LRRFIP2: variants seen among roughly 807,000 people sequenced by gnomAD.
LRRFIP2 encodes the protein leucine-rich repeat flightless-interacting protein 2.
Under a neutral mutation model 125.9 loss-of-function variants are expected in LRRFIP2, and 109 were observed. The observed-to-expected ratio is 0.87, with a 90% CI of 0.74 to 1.01. The LOEUF (loss-of-function observed/expected upper bound fraction) is 1.01, where lower values mean the gene tolerates loss of function less well. Ranked by LOEUF, LRRFIP2 falls within the 50% of genes least tolerant of loss-of-function variation. The pLI is 0.00. For missense variants in LRRFIP2, 850 were observed against 862.3 expected, an observed-to-expected ratio of 0.99 and a Z score of 0.18; for synonymous variants, 291 against 293.1, an observed-to-expected ratio of 0.99 and a Z score of 0.07.
chr3:37,089,401 T>A (rs1374413569), intron 18 of LRRFIP2, among the ~76,000 whole-genome samples: 1 of 152,260 alleles, frequency 6.6e-6, no homozygotes, highest in East Asian at 1.9e-4. Context: ...GGAGAGTGGT[T>A]GAGAGCATCC....
intron 18 of LRRFIP2, among the ~76,000 whole-genome samples, chr3:37,087,063 G>A (rs982635942): frequency 1.4e-4 from 21 of 151,750 alleles, no homozygotes; most frequent in Non-Finnish European, 2.1e-4. Flanking sequence ...CATGTTGCCC[G>A]GGTTGATCTC....
At chr3:37,119,767 C>T (rs2094944024) in intron 6 of LRRFIP2, among the ~76,000 whole-genome samples, 1 of 152,120 alleles carries the variant, frequency 6.6e-6, no homozygotes, top group Non-Finnish European at 1.5e-5. Context: ...CCAACTGATT[C>T]TCATGCCTCA....
At chr3:37,134,506 T>C (rs903325795) in intron 2 of LRRFIP2, among the ~76,000 whole-genome samples, 1 of 152,164 alleles carries the variant, frequency 6.6e-6, no homozygotes, top group African/African-American at 2.4e-5. Context: ...AAAGTTGTCA[T>C]GAGAGTCGTC....
At position 37,053,900 on chromosome 3, in the gene LRRFIP2, C is replaced by T. The variant is rs201785920; in HGVS notation, c.2117G>A (p.Arg706Gln). 295 of 1,614,018 alleles carry T rather than the reference C, an allele frequency of 1.8e-4. No homozygotes were observed. Among genetic ancestry groups the T allele is most frequent in the Non-Finnish European group, 2.4e-4 (281 of 1,180,000 alleles). ...CCTATTGGCCTTCATCTTCTCCAGC[C>T]GCTTGGCCAGGTGGCTGTTGGTCAT... is the stretch of plus-strand genomic sequence containing the variant. Reference protein sequence around the residue: ...MEMTNSHLAKRLEKMKANRTA... With the variant: ...MEMTNSHLAKQLEKMKANRTA... Residue 706 changes from arginine (R) to glutamine (Q), a missense_variant, in exon 28 of 28, where the codon CGG becomes CAG. Coordinates refer to ENST00000336686, the MANE Select transcript of LRRFIP2 (RefSeq NM_006309.4).
chr3:37,057,997 TA>T (rs1217184842), intron 25 of LRRFIP2, among the ~76,000 whole-genome samples: 1 of 152,212 alleles, frequency 6.6e-6, no homozygotes, highest in Non-Finnish European at 1.5e-5. Flanking sequence ...CTAATAAAGA[TA>T]AACTTGGATT....
At chr3:37,100,439 T>TACATATATGTATACAC in intron 15 of LRRFIP2, among the ~76,000 whole-genome samples, 1 of 63,442 alleles carries the variant, frequency 1.6e-5, no homozygotes, top group Non-Finnish European at 4.9e-5. Flanking sequence ...TGTATACACA[T>TACATATATGTATACAC]GTGTGTGTCT....
chr3:37,153,442 AG>A (rs2096087199), intron 1 of LRRFIP2, among the ~76,000 whole-genome samples: 3 of 152,034 alleles, frequency 2.0e-5, no homozygotes, highest in South Asian at 4.2e-4. Flanking sequence ...AAAATAAACT[AG>A]TCCCCAACTG....
At chr3:37,134,628 G>A (rs142424952) in intron 2 of LRRFIP2, 41 of 601,146 alleles carry the variant, frequency 6.8e-5, no homozygotes, top group African/African-American at 6.8e-4. Flanking sequence ...CATACCGAGA[G>A]AGTGAGGAGC....
chr3:37,157,640 G>T (rs767292751), intron 1 of LRRFIP2, among the ~76,000 whole-genome samples: 5 of 151,968 alleles, frequency 3.3e-5, no homozygotes, highest in African/African-American at 4.8e-5. Flanking sequence ...TACATAAAAT[G>T]AATAAATCAT....
rs976635571 is a variant in LRRFIP2 at position 37,108,533 on chromosome 3, T to C, written c.657+104A>G. On this transcript the variant is annotated intron_variant, in intron 12 of 27. Transcript: ENST00000336686. ...CAGGTCAGATTAAATGACTTTTTCT[T>C]TGTATATTTTTCTTTTTTATTAATT... 7.8e-6 allele frequency: 7 copies of C among 892,536 alleles called. No individual in the cohort carries two copies. The African/African-American group carries it at 1.2e-4, about 15-fold the overall frequency. 55.3% of individuals were successfully genotyped at this position (892,536 alleles called of 1,614,324 possible). A position where few individuals can be genotyped will look rare whatever the true frequency, so the allele number is the denominator to read the frequency against.
chr3:37,096,565 T>TA, intron 16 of LRRFIP2, 51 bp downstream of exon 16: 1 of 1,096,832 alleles, frequency 9.1e-7, no homozygotes, highest in Non-Finnish European at 1.4e-6. Context: ...AAGTTACAGA[T>TA]AGCAAGTTTA....
intron 9 of LRRFIP2, among the ~76,000 whole-genome samples, chr3:37,110,245 A>G (rs1316852121): frequency 6.6e-6 from 1 of 152,252 alleles, no homozygotes; most frequent in Non-Finnish European, 1.5e-5. Flanking sequence ...GTTGAATTAG[A>G]TAAATTGTAC....
chr3:37,124,058 T>C (rs963773549), intron 4 of LRRFIP2, among the ~76,000 whole-genome samples: 6 of 152,188 alleles, frequency 3.9e-5, no homozygotes, highest in African/African-American at 1.4e-4. Flanking sequence ...ACAAAGAGTA[T>C]AGTTTATTCC....
chr3:37,157,840 G>C (rs2150172677), intron 1 of LRRFIP2, among the ~76,000 whole-genome samples: 1 of 152,312 alleles, frequency 6.6e-6, no homozygotes, highest in Middle Eastern at 3.4e-3. Context: ...ACTTTATAAA[G>C]AGAAATGCTT....
At chr3:37,055,413 A>T (rs2086536179) in intron 25 of LRRFIP2, among the ~76,000 whole-genome samples, 1 of 152,162 alleles carries the variant, frequency 6.6e-6, no homozygotes. Flanking sequence ...TAAAAATATA[A>T]AAATTAGCTG....
intron 23 of LRRFIP2, chr3:37,064,777 C>CTT (rs1260060134): frequency 2.6e-5 from 4 of 152,184 alleles, no homozygotes; most frequent in African/African-American, 9.7e-5. Flanking sequence ...CCACTACCCT[C>CTT]TGTAAACAGG....
intron 18 of LRRFIP2, among the ~76,000 whole-genome samples, chr3:37,084,921 C>A (rs1032810403): frequency 6.6e-6 from 1 of 151,996 alleles, no homozygotes; most frequent in African/African-American, 2.4e-5. Context: ...AATACTAGCA[C>A]AAATGTTTAT....
At chr3:37,123,076 G>A (rs972581584) in intron 4 of LRRFIP2, among the ~76,000 whole-genome samples, 2 of 152,208 alleles carry the variant, frequency 1.3e-5, no homozygotes, top group African/African-American at 4.8e-5. Flanking sequence ...TGATGCCCTT[G>A]ACCAAATGTA....
chr3:37,162,155 C>CAAA (rs71091697), intron 1 of LRRFIP2, among the ~76,000 whole-genome samples: 273 of 73,476 alleles, frequency 3.7e-3, no homozygotes, highest in Non-Finnish European at 4.0e-3. Context: ...GACCCTGTCT[C>CAAA]AAAAAAAAAA....
Sources: allele counts gnomAD v4.1 joint callset (sites outside exome capture counted in the v4.1 genomes callset), GRCh38; gene constraint gnomAD v4.1.1; transcripts MANE v1.5; gene names NCBI Gene and HGNC (gene_info 2026-07-23, HGNC 2026-07-21).